CNTN5: variants seen among roughly 807,000 people sequenced by gnomAD.
CNTN5 encodes contactin 5, also known as contactin-5.
CNTN5 carries 77 observed loss-of-function variants against 129.1 expected under a neutral mutation model. That is an observed-to-expected ratio of 0.60 (90% confidence interval 0.50 to 0.72). The LOEUF is 0.72. Ranked by LOEUF, CNTN5 falls within the 30% of genes least tolerant of loss-of-function variation. CNTN5 has a pLI of 0.00. For missense variants in CNTN5, 1,478 were observed against 1,328.8 expected (o/e 1.11, Z -1.75); for synonymous variants, 509 against 465.6 (o/e 1.09, Z -1.20).
intron 6 of CNTN5, among the ~76,000 whole-genome samples, chr11:99,863,820 T>C (rs926484186): frequency 9.9e-5 from 15 of 152,196 alleles, no homozygotes; most frequent in African/African-American, 3.6e-4. Flanking sequence ...TTAATTGCAA[T>C]TCAAATTGTA....
intron 3 of CNTN5, among the ~76,000 whole-genome samples, chr11:99,807,569 G>A (rs1260302645): frequency 6.6e-6 from 1 of 152,158 alleles, no homozygotes; most frequent in Non-Finnish European, 1.5e-5. Context: ...AGGCAGGAGT[G>A]CAGTGACCTG....
In CNTN5 at chr11:99,547,224, C is replaced by T. The variant is rs182535651; in HGVS notation, c.-70-8921C>T. Reference sequence around the variant, plus strand: ...TTCTCCATGTCGGTCAGGCTAGTCCCGAACTCCTGACCTCAGGTGATCCGC... The same window carrying T: ...TTCTCCATGTCGGTCAGGCTAGTCCTGAACTCCTGACCTCAGGTGATCCGC... On this transcript the variant is annotated intron_variant, in intron 2 of 24. Coordinates refer to ENST00000524871, the MANE Select transcript of CNTN5 (RefSeq NM_014361.4). Among the ~76,000 whole-genome samples the T allele has an allele frequency of 2.5e-3, 374 of 152,166 alleles. 3 individuals are homozygous for T. The highest frequency in any genetic ancestry group is 8.5e-3 in the African/African-American group (351 of 41,520).
chr11:99,134,565 G>A (rs1026977078), intron 1 of CNTN5, among the ~76,000 whole-genome samples: 2 of 152,110 alleles, frequency 1.3e-5, no homozygotes, highest in Admixed American at 1.3e-4. Context: ...AATTTTCTGG[G>A]AGGAAATTTG....
intron 1 of CNTN5, among the ~76,000 whole-genome samples, chr11:99,047,917 T>C (rs745679030): frequency 6.6e-6 from 1 of 152,078 alleles, no homozygotes; most frequent in Non-Finnish European, 1.5e-5. Flanking sequence ...TTTACATGAT[T>C]TGTGCAGTTA....
At chr11:99,591,589 C>T (rs924622517) in intron 3 of CNTN5, among the ~76,000 whole-genome samples, 4 of 152,234 alleles carry the variant, frequency 2.6e-5, no homozygotes, top group African/African-American at 9.6e-5. Flanking sequence ...CCACCCACCT[C>T]AGCCTCCCAA....
rs1323534481 is a variant in CNTN5, at chr11:99,554,667, A to G, written c.-70-1478A>G. 4.6e-5 allele frequency among the ~76,000 whole-genome samples: 7 copies of G among 152,260 alleles called. No homozygotes were observed. In the South Asian group the frequency reaches 1.0e-3, roughly 22 times the overall value. On this transcript the variant is annotated intron_variant, in intron 2 of 24. Coordinates refer to ENST00000524871, the MANE Select transcript of CNTN5 (RefSeq NM_014361.4). ...AAGCTATATTACCTTCTCAGAATTC[A>G]CAATTTCAAAAAAGGTCAATTTAAT... is the stretch of plus-strand genomic sequence containing the variant.
chr11:99,401,067 A>G (rs1340459196), intron 2 of CNTN5, among the ~76,000 whole-genome samples: 1 of 152,080 alleles, frequency 6.6e-6, no homozygotes, highest in Admixed American at 6.6e-5. Context: ...TTTACCTTGC[A>G]GGAGCTTTTT....
chr11:99,288,914 G>A (rs1450899219), intron 1 of CNTN5, among the ~76,000 whole-genome samples: 7 of 151,912 alleles, frequency 4.6e-5, no homozygotes, highest in African/African-American at 1.4e-4. Context: ...CAGTATAGAA[G>A]CATCTTTACT....
At chr11:99,392,367 T>A (rs1235553150) in intron 2 of CNTN5, among the ~76,000 whole-genome samples, 4 of 151,780 alleles carry the variant, frequency 2.6e-5, no homozygotes, top group African/African-American at 4.8e-5. Context: ...GTCTCCTATT[T>A]AGGTTGATAA....
chr11:99,726,276 T>C (rs778881218), intron 3 of CNTN5, among the ~76,000 whole-genome samples: 1 of 152,224 alleles, frequency 6.6e-6, no homozygotes, highest in Non-Finnish European at 1.5e-5. Context: ...GTGTAGTCTG[T>C]GCTTTTTGTA....
chr11:99,115,805 A>C (rs2135394016), intron 1 of CNTN5, among the ~76,000 whole-genome samples: 1 of 152,168 alleles, frequency 6.6e-6, no homozygotes, highest in South Asian at 2.1e-4. Context: ...CAGCACATGA[A>C]TAACAGACCT....
At chr11:99,782,929 A>T (rs1043110055) in intron 3 of CNTN5, among the ~76,000 whole-genome samples, 2 of 151,860 alleles carry the variant, frequency 1.3e-5, no homozygotes, top group Non-Finnish European at 2.9e-5. Context: ...CAAGGACTCC[A>T]TGTCTAAAAC....
chr11:99,979,279 AT>A (rs1477658312), intron 8 of CNTN5, among the ~76,000 whole-genome samples: 1 of 152,168 alleles, frequency 6.6e-6, no homozygotes, highest in Non-Finnish European at 1.5e-5. Flanking sequence ...GAGGTATCAT[AT>A]TTCAGAGGTA....
At chr11:100,125,785 T>C (rs889673709) in intron 13 of CNTN5, among the ~76,000 whole-genome samples, 8 of 152,134 alleles carry the variant, frequency 5.3e-5, no homozygotes, top group Non-Finnish European at 2.9e-5. Flanking sequence ...TTTGGATGCA[T>C]TTTTGGGTCT....
At chr11:99,528,796 G>T (rs919098105) in intron 2 of CNTN5, among the ~76,000 whole-genome samples, 8 of 152,268 alleles carry the variant, frequency 5.3e-5, no homozygotes, top group Admixed American at 4.6e-4. Flanking sequence ...GGGCGTAGTG[G>T]CTCATGCCTG....
intron 18 of CNTN5, among the ~76,000 whole-genome samples, chr11:100,295,315 G>A (rs1951079024): frequency 6.6e-6 from 1 of 151,464 alleles, no homozygotes; most frequent in Non-Finnish European, 1.5e-5. Flanking sequence ...TAGATCATTA[G>A]TTGAAATTTG....
chr11:100,256,522 T>G (rs1385438090), intron 17 of CNTN5, among the ~76,000 whole-genome samples: 1 of 152,136 alleles, frequency 6.6e-6, no homozygotes, highest in Non-Finnish European at 1.5e-5. Context: ...GATGGCTGAA[T>G]AGGAATAGCT....
At chr11:99,149,714 G>C (rs1364874792) in intron 1 of CNTN5, among the ~76,000 whole-genome samples, 1 of 151,782 alleles carries the variant, frequency 6.6e-6, no homozygotes, top group Admixed American at 6.6e-5. Context: ...TTCTATCTAT[G>C]GATGTCCCTC....
At chr11:99,358,128 GC>G (rs1349346653) in intron 2 of CNTN5, among the ~76,000 whole-genome samples, 2 of 140,006 alleles carry the variant, frequency 1.4e-5, no homozygotes, top group Non-Finnish European at 3.1e-5. Context: ...TCGCTCTGTC[GC>G]CCAGGCTGGA....
Sources: allele counts gnomAD v4.1 joint callset (sites outside exome capture counted in the v4.1 genomes callset), GRCh38; gene constraint gnomAD v4.1.1; transcripts MANE v1.5; gene names NCBI Gene and HGNC (gene_info 2026-07-23, HGNC 2026-07-21).